KMT2E: variants seen among roughly 807,000 people sequenced by gnomAD.
KMT2E encodes the protein histone reader KMT2E.
KMT2E carries 30 observed loss-of-function variants against 184.6 expected under a neutral mutation model. That is an observed-to-expected ratio of 0.16 (90% CI 0.12 to 0.22). The LOEUF (loss-of-function observed/expected upper bound fraction) is 0.22, where lower values mean the gene tolerates loss of function less well. Among genes scored for constraint, KMT2E ranks in the 10% least tolerant of loss-of-function variants. The pLI, the probability that KMT2E is intolerant of heterozygous loss-of-function variation, is 1.00. For synonymous variants in KMT2E, 815 were observed against 776.5 expected (o/e 1.05, Z -0.82); for missense variants, 2,023 against 2,237.4 (o/e 0.90, Z 1.93).
intron 3 of KMT2E, among the ~76,000 whole-genome samples, chr7:105,056,759 A>C (rs1187265576): frequency 1.3e-5 from 2 of 152,226 alleles, no homozygotes; most frequent in Non-Finnish European, 2.9e-5. Context: ...AATTCTGAAC[A>C]AGTAAGTAGT....
chr7:105,067,623 G>T (rs1372566871), intron 6 of KMT2E, among the ~76,000 whole-genome samples: 1 of 152,026 alleles, frequency 6.6e-6, no homozygotes, highest in African/African-American at 2.4e-5. Flanking sequence ...CAGTATATAT[G>T]TATTTGTGTG....
At chr7:105,088,564 T>C (rs1798080350) in intron 13 of KMT2E, among the ~76,000 whole-genome samples, 1 of 152,242 alleles carries the variant, frequency 6.6e-6, no homozygotes, top group Non-Finnish European at 1.5e-5. Flanking sequence ...TATTATTGTT[T>C]TAACTGAGGT....
chr7:105,111,917 C>A lies in KMT2E; in HGVS notation c.4161C>A (p.Ser1387=). The A allele has an allele frequency of 6.2e-7, 1 of 1,614,090 alleles. No individual in the cohort carries two copies. The highest frequency in any genetic ancestry group is 8.5e-7 in the Non-Finnish European group (1 of 1,180,022). The change falls in exon 27 of 27, where the codon TCC becomes TCA. Residue 1387 remains serine, a synonymous_variant. Coordinates refer to ENST00000311117, the MANE Select transcript of KMT2E (RefSeq NM_182931.3). ...DPQWDSTVSA[S]EAENGVHLKT... is the part of the protein sequence containing the mutation. ...AATGGGACTCCACAGTTAGTGCATCCGAAGCTGAAAATGGTGTTCACCTAA... is the reference window on the plus strand; with the variant it reads ...AATGGGACTCCACAGTTAGTGCATCAGAAGCTGAAAATGGTGTTCACCTAA...
intron 1 of KMT2E, among the ~76,000 whole-genome samples, chr7:105,020,376 AG>A (rs1287221938): frequency 6.6e-6 from 1 of 151,916 alleles, no homozygotes; most frequent in Non-Finnish European, 1.5e-5. Flanking sequence ...GGATCACCTG[AG>A]CTCAGGAGTT....
intron 17 of KMT2E, chr7:105,105,157 C>A: frequency 4.1e-6 from 1 of 241,382 alleles, no homozygotes; most frequent in Non-Finnish European, 7.8e-6. Flanking sequence ...ACAGAGATAT[C>A]TTGTCTCAAA....
In KMT2E at chr7:105,060,146, C is replaced by T. The variant is rs369758790; in HGVS notation, c.72-2018C>T. 4.0e-5 allele frequency among the ~76,000 whole-genome samples: 6 copies of T among 151,650 alleles called. No individual in the cohort carries two copies. In the South Asian group the frequency reaches 1.3e-3, roughly 32 times the overall value. On this transcript the variant is annotated intron_variant, in intron 3 of 26. Transcript: ENST00000311117. ...AGTAGCTGGGATTACAGGTGCCTGC[C>T]ATCACCCCTGCCTACTTATTGTATT...
At chr7:105,061,174 C>T (rs1025717318) in intron 3 of KMT2E, among the ~76,000 whole-genome samples, 2 of 151,424 alleles carry the variant, frequency 1.3e-5, no homozygotes, top group African/African-American at 4.8e-5. Context: ...TATTAAGAAG[C>T]AGTTGACTGT....
intron 6 of KMT2E, among the ~76,000 whole-genome samples, chr7:105,072,383 G>T (rs981364453): frequency 6.6e-6 from 1 of 152,122 alleles, no homozygotes. Context: ...AGTTGAGAGA[G>T]ATATGTTTAT....
chr7:105,038,974 A>C (rs764360812), intron 2 of KMT2E, among the ~76,000 whole-genome samples: 7 of 152,068 alleles, frequency 4.6e-5, no homozygotes, highest in Non-Finnish European at 7.4e-5. Context: ...TTCAGATGTG[A>C]TGATGTATCT....
chr7:105,107,123 C>G (rs756303884), intron 20 of KMT2E, 43 bp from the exon 21 acceptor site: 2 of 1,015,154 alleles, frequency 2.0e-6, no homozygotes, highest in South Asian at 1.6e-5. Context: ...GATATACTTA[C>G]GTATTTTTAA....
chr7:105,089,112 T>C (rs535695565), intron 13 of KMT2E: 68 of 279,154 alleles, frequency 2.4e-4, no homozygotes, highest in South Asian at 1.8e-3. Context: ...AGACTCAAAG[T>C]TTTAATGTGT....
At chr7:105,084,465 A>C (rs1329946391) in intron 13 of KMT2E, among the ~76,000 whole-genome samples, 2 of 152,048 alleles carry the variant, frequency 1.3e-5, no homozygotes, top group African/African-American at 4.8e-5. Flanking sequence ...ATCTCTACTA[A>C]AAATAAAAAA....
intron 1 of KMT2E, among the ~76,000 whole-genome samples, chr7:105,024,660 A>G (rs1156823361): frequency 6.6e-6 from 1 of 152,202 alleles, no homozygotes; most frequent in East Asian, 1.9e-4. Context: ...TTTATTTTAT[A>G]AGGAGATTGA....
Position 105,077,337 on chromosome 7 carries a change from C to G in KMT2E, c.1034C>G (p.Ser345Cys). ...HIQKNKKILK[S>C]AKDLPPDALI... Reference sequence around the variant, plus strand: ...CAAAAGAATAAGAAAATTCTTAAATCTGCAAAAGATTTGCCTCCTGATGCA... The same window carrying G: ...CAAAAGAATAAGAAAATTCTTAAATGTGCAAAAGATTTGCCTCCTGATGCA... The change falls in exon 11 of 27, where the codon TCT becomes TGT. Residue 345 changes from serine to cysteine, a missense_variant. Ser to Cys is a moderately radical substitution (Grantham distance 112, BLOSUM62 -1). Coordinates refer to ENST00000311117, the MANE Select transcript of KMT2E (RefSeq NM_182931.3). 1.9e-5 allele frequency: 30 copies of G among 1,610,748 alleles called. No individual in the cohort carries two copies. The highest frequency in any genetic ancestry group is 2.5e-5 in the Non-Finnish European group (29 of 1,177,454).
rs550625940 is a variant in KMT2E, at chr7:105,023,852, GT to G, written c.-189+9318del. On this transcript the variant is annotated intron_variant, in intron 1 of 26. Coordinates refer to ENST00000311117, the MANE Select transcript of KMT2E (RefSeq NM_182931.3). ...TTTTTAAAAGGGGGTTGGTGAGATG[GT>G]ATATACACAGATGGTAATACAGCAG... Among the ~76,000 whole-genome samples the G allele has an allele frequency of 2.6e-4, 40 of 152,278 alleles. 1 individual carries two copies. Among genetic ancestry groups the G allele is most frequent in the Admixed American group, 1.1e-3 (17 of 15,282 alleles).
rs752313228 is a variant in KMT2E, at chr7:105,074,778, G to A, written c.692G>A (p.Ser231Asn). 1.2e-5 allele frequency: 19 copies of A among 1,607,984 alleles called. No individual in the cohort carries two copies. Among genetic ancestry groups the A allele is most frequent in the Non-Finnish European group, 1.6e-5 (19 of 1,178,106 alleles). Residue 231 changes from serine (S) to asparagine (N), a missense_variant, in exon 8 of 27, where the codon AGC (serine) becomes AAC (asparagine). Ser to Asn is a conservative substitution (Grantham distance 46, BLOSUM62 1). This residue lies in a region of KMT2E where 191 missense variants were observed against 209.0 expected (regional missense o/e 0.91). Transcript: ENST00000311117. The part of the protein sequence containing the change: ...SKVNDKRRKK[S>N]GEKEQHISKC... ...GTTAATGATAAAAGAAGGAAAAAAA[G>A]CGGGGAGAAAGAACAACACATTTCA...
chr7:105,066,832 T>C (rs1797046122), intron 6 of KMT2E, 25 bp downstream of exon 6: 3 of 1,472,926 alleles, frequency 2.0e-6, no homozygotes, highest in East Asian at 2.3e-5. Flanking sequence ...TCTGATAACA[T>C]TGCCAGTAAT....
At chr7:105,022,548 A>G (rs1795000186) in intron 1 of KMT2E, among the ~76,000 whole-genome samples, 1 of 152,032 alleles carries the variant, frequency 6.6e-6, no homozygotes, top group South Asian at 2.1e-4. Flanking sequence ...TAGTTTCTCT[A>G]TTGTATAGTT....
intron 17 of KMT2E, 76 bp from the exon 18 acceptor site, chr7:105,105,363 C>G: frequency 1.8e-6 from 2 of 1,121,622 alleles, no homozygotes; most frequent in Non-Finnish European, 2.5e-6. Flanking sequence ...ACACCAATTT[C>G]AAATCTGGTA....
Sources: gnomAD v4.1 joint callset for allele counts (sites outside exome capture counted in the v4.1 genomes callset) on GRCh38, gnomAD v4.1.1 for gene constraint, gnomAD v4.1.1 regional missense constraint, MANE v1.5 for transcripts, NCBI Gene and HGNC (gene_info 2026-07-23, HGNC 2026-07-21) for gene names.